The following FLRT1 variants were observed in gnomAD, a reference collection of about 807,000 sequenced individuals.
FLRT1 encodes the protein leucine-rich repeat transmembrane protein FLRT1.
Under a neutral mutation model 30.9 loss-of-function variants are expected in FLRT1, and 14 were observed. The ratio of observed to expected loss-of-function variants is 0.45; its 90% confidence interval spans 0.30 to 0.71. FLRT1 has a LOEUF of 0.71. Among genes scored for constraint, FLRT1 ranks in the 30% least tolerant of loss-of-function variants. The pLI, the probability that FLRT1 is intolerant of heterozygous loss-of-function variation, is 0.08. For synonymous variants in FLRT1, 368 were observed against 430.4 expected (o/e 0.85, Z 1.80); for missense variants, 737 against 949.2 (o/e 0.78, Z 2.94).
chr11:64,068,734 A>C (rs577660593), intron 1 of FLRT1, among the ~76,000 whole-genome samples: 16 of 152,304 alleles, frequency 1.1e-4, no homozygotes, highest in African/African-American at 3.4e-4. Flanking sequence ...TGCAGCTGGG[A>C]CAGCTGCTAG....
rs150772900 is a variant in FLRT1 at position 64,118,242 on chromosome 11, C to T, written c.1975C>T (p.Arg659Trp). The T allele has an allele frequency of 1.1e-5, 18 of 1,605,034 alleles. No individual in the cohort carries two copies. The highest frequency in any genetic ancestry group is 6.7e-5 in the Admixed American group (4 of 59,604). Residue 659 changes from arginine (R) to tryptophan (W), a missense_variant, in exon 3 of 3, where the codon CGG becomes TGG. Transcript: ENST00000682287. ...ACACACCATTGGCTACGGCACCACG[C>T]GGGGCTACCGGGACGGCGGCATCCC... ...ATHTIGYGTT[R>W]GYRDGGIPDI...
intron 1 of FLRT1, among the ~76,000 whole-genome samples, chr11:64,066,470 T>G (rs1360748457): frequency 6.6e-6 from 1 of 150,954 alleles, no homozygotes; most frequent in Non-Finnish European, 1.5e-5. Flanking sequence ...TTTTAAAAAA[T>G]TAGCGGAGTG....
rs1238199409 is a variant in FLRT1, at chr11:64,090,528, A to AC, written c.-1037-12664dup. Among the ~76,000 whole-genome samples the AC allele has an allele frequency of 2.0e-5, 3 of 152,048 alleles. No homozygotes were observed. Among genetic ancestry groups the AC allele is most frequent in the African/African-American group, 7.3e-5 (3 of 41,372 alleles). On this transcript the variant is annotated intron_variant, in intron 1 of 2. Coordinates refer to ENST00000682287, the MANE Select transcript of FLRT1 (RefSeq NM_013280.5). This position sits in a 1 kb window ranked among gnomAD's most constrained non-coding sequence, Gnocchi z 4.7. ...ATTTGCTTCCCCGGGCCCTCCCTCG[A>AC]CCGGCTCTGCCTGCTCACAGGTGGC... is the stretch of plus-strand genomic sequence containing the variant.
At chr11:64,054,728 C>T (rs930342020) in intron 1 of FLRT1, among the ~76,000 whole-genome samples, 4 of 152,150 alleles carry the variant, frequency 2.6e-5, no homozygotes, top group African/African-American at 9.7e-5. Context: ...CAACAAACTT[C>T]CTTGTTTCCT....
At chr11:64,039,252 G>C (rs1185281872) in intron 1 of FLRT1, among the ~76,000 whole-genome samples, 1 of 152,124 alleles carries the variant, frequency 6.6e-6, no homozygotes, top group Non-Finnish European at 1.5e-5. Context: ...GCGTGGGTGT[G>C]GCGAGGGTGC....
At position 64,118,338 on chromosome 11, in the gene FLRT1, C is replaced by A. The variant is rs754188520; in HGVS notation, c.*46C>A. On this transcript the variant is annotated 3_prime_UTR_variant, in exon 3 of 3. Transcript: ENST00000682287. Reference sequence around the variant, plus strand: ...CCCGCCTCAGCCCCAGCTGCCCTGGCGTGGCCATGTGGCTTTGCCCAGCCT... The same window carrying A: ...CCCGCCTCAGCCCCAGCTGCCCTGGAGTGGCCATGTGGCTTTGCCCAGCCT... 7 of 1,507,966 alleles carry A rather than the reference C, an allele frequency of 4.6e-6. No homozygotes were observed. The Admixed American group carries it at 1.3e-4, about 28-fold the overall frequency. The allele number at this position is 1,507,966 out of a possible 1,614,324, so 93.4% of individuals were successfully genotyped here. A position where few individuals can be genotyped will look rare whatever the true frequency, so the allele number is the denominator to read the frequency against.
At chr11:64,050,026 GA>G (rs1194317838) in intron 1 of FLRT1, among the ~76,000 whole-genome samples, 8 of 152,190 alleles carry the variant, frequency 5.3e-5, no homozygotes, top group African/African-American at 1.9e-4. Flanking sequence ...ATATTAATAA[GA>G]AATGGCCTGG....
chr11:64,070,299 C>CCCCAAGCCTTGGGGAAGGGGAA (rs1320359021), intron 1 of FLRT1, among the ~76,000 whole-genome samples: 1 of 152,092 alleles, frequency 6.6e-6, no homozygotes, highest in Non-Finnish European at 1.5e-5. Flanking sequence ...GGGAAGGAAT[C>CCCCAAGCCTTGGGGAAGGGGAA]GGAGCCTCCT....
intron 2 of FLRT1, among the ~76,000 whole-genome samples, chr11:64,115,933 A>G (rs2134614144): frequency 6.6e-6 from 1 of 152,336 alleles, no homozygotes; most frequent in Admixed American, 6.5e-5. Flanking sequence ...TCCGGATCAC[A>G]TTCCAGGAGG....
At chr11:64,093,131 G>A (rs1944519517) in intron 1 of FLRT1, among the ~76,000 whole-genome samples, 1 of 152,202 alleles carries the variant, frequency 6.6e-6, no homozygotes, top group African/African-American at 2.4e-5. Context: ...TTTCTCAGGT[G>A]GAAAATTGGA....
intron 1 of FLRT1, among the ~76,000 whole-genome samples, chr11:64,072,423 TAA>T (rs11354064): frequency 8.2e-5 from 12 of 146,578 alleles, no homozygotes; most frequent in Middle Eastern, 3.4e-3. Flanking sequence ...CCGGCTCATT[TAA>T]AAAAAAAAAA....
chr11:64,058,198 T>C (rs1300464568), intron 1 of FLRT1, among the ~76,000 whole-genome samples: 1 of 152,266 alleles, frequency 6.6e-6, no homozygotes, highest in Non-Finnish European at 1.5e-5. Context: ...TAATCCTCTC[T>C]TTCTGGGGCT....
intron 1 of FLRT1, among the ~76,000 whole-genome samples, chr11:64,065,835 C>G (rs1943995381): frequency 6.6e-6 from 1 of 151,330 alleles, no homozygotes; most frequent in Non-Finnish European, 1.5e-5. Context: ...CTCCCCCTCT[C>G]TCCATGCACA....
At chr11:64,055,576 T>C (rs1943770393) in intron 1 of FLRT1, among the ~76,000 whole-genome samples, 1 of 152,148 alleles carries the variant, frequency 6.6e-6, no homozygotes, top group South Asian at 2.1e-4. Context: ...AAGGGGACTT[T>C]CTCTGTCCCT....
chr11:64,079,836 C>A (rs1944273227), intron 1 of FLRT1, among the ~76,000 whole-genome samples: 1 of 152,062 alleles, frequency 6.6e-6, no homozygotes, highest in Non-Finnish European at 1.5e-5. Flanking sequence ...CAGGAAGGAG[C>A]CACAGGGAGC....
At chr11:64,075,652 C>A (rs1489048487) in intron 1 of FLRT1, among the ~76,000 whole-genome samples, 2 of 152,210 alleles carry the variant, frequency 1.3e-5, no homozygotes, top group African/African-American at 2.4e-5. Context: ...GAAGGGGGAC[C>A]CCGAATCTGG....
intron 1 of FLRT1, among the ~76,000 whole-genome samples, chr11:64,059,273 G>A (rs1943850629): frequency 6.6e-6 from 1 of 152,186 alleles, no homozygotes; most frequent in Non-Finnish European, 1.5e-5. Flanking sequence ...GAGAGGTGCC[G>A]CCCTGTGAAG....
intron 1 of FLRT1, among the ~76,000 whole-genome samples, chr11:64,038,023 T>A (rs900469421): frequency 5.1e-4 from 78 of 152,186 alleles, no homozygotes; most frequent in Admixed American, 2.5e-3. Context: ...GGGGTCGGAT[T>A]TTCCCACCAC....
In FLRT1 at chr11:64,090,127, T is replaced by G. The variant is rs1379966409; in HGVS notation, c.-1037-13067T>G. On this transcript the variant is annotated intron_variant, in intron 1 of 2. Coordinates refer to ENST00000682287, the MANE Select transcript of FLRT1 (RefSeq NM_013280.5). The surrounding 1 kb of genome is among the most constrained non-coding windows in gnomAD (Gnocchi z 4.7). Reference sequence around the variant, plus strand: ...GGGGGAGGGGAAGATATGCACCCTCTCCCCACGGGGCTAGGGACTCATCTC... The same window carrying G: ...GGGGGAGGGGAAGATATGCACCCTCGCCCCACGGGGCTAGGGACTCATCTC... Among the ~76,000 whole-genome samples the G allele has an allele frequency of 3.9e-5, 6 of 152,150 alleles. No individual in the cohort carries two copies. In the South Asian group the frequency reaches 1.0e-3, roughly 26 times the overall value.
Sources: gnomAD v4.1 joint callset for allele counts (sites outside exome capture counted in the v4.1 genomes callset) on GRCh38, gnomAD v4.1.1 for gene constraint, Gnocchi (gnomAD v3.1) non-coding constraint, MANE v1.5 for transcripts, NCBI Gene and HGNC (gene_info 2026-07-23, HGNC 2026-07-21) for gene names.